DACH2: variants seen among roughly 807,000 people sequenced by gnomAD.
The protein encoded by DACH2 is dachshund family transcription factor 2, also known as dachshund homolog 2.
DACH2 carries 17 observed loss-of-function variants against 35.8 expected under a neutral mutation model. The ratio of observed to expected loss-of-function variants is 0.48; its 90% CI spans 0.33 to 0.71. The LOEUF (loss-of-function observed/expected upper bound fraction) is 0.71, where lower values mean the gene tolerates loss of function less well. DACH2 is among the 30% of genes least tolerant of loss of function. The pLI is 0.02. For synonymous variants in DACH2, 195 were observed against 177.3 expected (o/e 1.10, Z -0.79); for missense variants, 469 against 472.7 (o/e 0.99, Z 0.07).
intron 5 of DACH2, among the ~76,000 whole-genome samples, chrX:86,699,225 G>T (rs1359434941): frequency 8.9e-6 from 1 of 111,950 alleles, no homozygotes; most frequent in Non-Finnish European, 1.9e-5. Flanking sequence ...AGTATTTACA[G>T]AACATTTTAC....
intron 4 of DACH2, among the ~76,000 whole-genome samples, chrX:86,665,703 A>T (rs910422420): frequency 9.0e-6 from 1 of 111,546 alleles, no homozygotes; most frequent in Non-Finnish European, 1.9e-5. Flanking sequence ...ATTTTGGAAA[A>T]GTCTGTCCAG....
chrX:86,695,471 T>C (rs2041056806), intron 5 of DACH2, among the ~76,000 whole-genome samples: 1 of 108,916 alleles, frequency 9.2e-6, no homozygotes, highest in Non-Finnish European at 1.9e-5. Context: ...GAATATTGGC[T>C]AAAGTCACAC....
chrX:86,716,087 A>G (rs1170300066), intron 6 of DACH2, among the ~76,000 whole-genome samples: 1 of 111,685 alleles, frequency 9.0e-6, no homozygotes, highest in Non-Finnish European at 1.9e-5. Flanking sequence ...AAGTGGAAGC[A>G]TGCTTCCTGG....
chrX:86,298,367 T>G (rs758955677), intron 1 of DACH2, among the ~76,000 whole-genome samples: 2 of 112,104 alleles, frequency 1.8e-5, no homozygotes, highest in Non-Finnish European at 3.8e-5. Context: ...TTTAACTCTA[T>G]TTTTCTGCAC....
intron 3 of DACH2, among the ~76,000 whole-genome samples, chrX:86,617,703 T>C (rs752269409): frequency 8.9e-6 from 1 of 112,043 alleles, no homozygotes; most frequent in South Asian, 3.7e-4. Context: ...AAATAAAATT[T>C]CAAGTACAAG....
chrX:86,822,282 C>A (rs2042520379), intron 11 of DACH2, among the ~76,000 whole-genome samples: 2 of 111,664 alleles, frequency 1.8e-5, no homozygotes, highest in South Asian at 7.4e-4. Flanking sequence ...CCACACGAAT[C>A]TGTGGAGGTT....
chrX:86,233,103 A>G (rs2032984097), intron 1 of DACH2, among the ~76,000 whole-genome samples: 1 of 111,867 alleles, frequency 8.9e-6, no homozygotes, highest in Admixed American at 9.5e-5. Context: ...AAAAGCAAAT[A>G]CTGCTTGTTC....
chrX:86,148,812 C>T lies in DACH2; in HGVS notation c.192C>T (p.Asn64=). The T allele has an allele frequency of 1.7e-6, 2 of 1,211,834 alleles. No homozygotes were observed. The highest frequency in any genetic ancestry group is 2.2e-6 in the Non-Finnish European group (2 of 895,572). ...GAGGCGGCGGCAGGGGCAACACCAACACCAACGAGTGCCGCATGGTCGACA... is the reference window on the plus strand; with the variant it reads ...GAGGCGGCGGCAGGGGCAACACCAATACCAACGAGTGCCGCATGGTCGACA... ...SAGGGGRGNT[N]TNECRMVDMH... The change falls in exon 1 of 12, where the codon AAC becomes AAT. Residue 64 remains asparagine, a synonymous_variant. Coordinates refer to ENST00000373125, the MANE Select transcript of DACH2 (RefSeq NM_053281.3).
intron 1 of DACH2, among the ~76,000 whole-genome samples, chrX:86,183,585 T>C (rs1278081750): frequency 8.9e-6 from 1 of 111,861 alleles, no homozygotes; most frequent in Non-Finnish European, 1.9e-5. Context: ...GACGGTATTT[T>C]ATTGAGGATT....
At chrX:86,824,824 C>A (rs2042547929) in intron 11 of DACH2, among the ~76,000 whole-genome samples, 1 of 111,524 alleles carries the variant, frequency 9.0e-6, no homozygotes. Flanking sequence ...ACTAATAAAC[C>A]CTCAAATCTT....
intron 3 of DACH2, among the ~76,000 whole-genome samples, chrX:86,593,422 TA>T: frequency 9.6e-6 from 1 of 104,487 alleles, no homozygotes; most frequent in African/African-American, 3.7e-5. Flanking sequence ...TATTTTATTT[TA>T]TTTTATTTTA....
intron 3 of DACH2, among the ~76,000 whole-genome samples, chrX:86,622,648 A>T (rs777351773): frequency 8.9e-6 from 1 of 111,808 alleles, no homozygotes. Context: ...TTGATAACAG[A>T]TAGTTGCTCA....
intron 2 of DACH2, among the ~76,000 whole-genome samples, chrX:86,485,588 C>T (rs1346306978): frequency 9.0e-6 from 1 of 111,501 alleles, no homozygotes; most frequent in Non-Finnish European, 1.9e-5. Context: ...GATCATTACA[C>T]TATGTATACA....
At chrX:86,491,081 G>C (rs970470595) in intron 2 of DACH2, among the ~76,000 whole-genome samples, 4 of 111,327 alleles carry the variant, frequency 3.6e-5, no homozygotes, top group Admixed American at 1.9e-4. Context: ...TTTCCAAGTA[G>C]AAGTAAATTG....
chrX:86,171,791 A>G (rs961773685), intron 1 of DACH2, among the ~76,000 whole-genome samples: 4 of 111,886 alleles, frequency 3.6e-5, no homozygotes, highest in African/African-American at 1.3e-4. Flanking sequence ...TTTCAGTGAT[A>G]TGAAGTTAAA....
At chrX:86,637,694 G>A (rs2040292181) in intron 3 of DACH2, among the ~76,000 whole-genome samples, 1 of 110,972 alleles carries the variant, frequency 9.0e-6, no homozygotes, top group Non-Finnish European at 1.9e-5. Flanking sequence ...TGGACACATA[G>A]AGAGAAACTA....
At chrX:86,588,552 A>G (rs1246291756) in intron 3 of DACH2, among the ~76,000 whole-genome samples, 1 of 111,627 alleles carries the variant, frequency 9.0e-6, no homozygotes, top group Non-Finnish European at 1.9e-5. Context: ...CAGTTTTTAA[A>G]CATTTTCTCC....
At chrX:86,773,407 G>A (rs1330436855) in intron 7 of DACH2, among the ~76,000 whole-genome samples, 1 of 111,639 alleles carries the variant, frequency 9.0e-6, no homozygotes, top group Non-Finnish European at 1.9e-5. Context: ...AAAAAATTCT[G>A]ACAGAATGAA....
intron 2 of DACH2, among the ~76,000 whole-genome samples, chrX:86,493,191 T>TC (rs1220078421): frequency 9.0e-6 from 1 of 111,405 alleles, no homozygotes; most frequent in African/African-American, 3.3e-5. Context: ...AGATGGCATC[T>TC]CCTTGTGGTT....
Sources: allele counts gnomAD v4.1 joint callset (sites outside exome capture counted in the v4.1 genomes callset), GRCh38; gene constraint gnomAD v4.1.1; transcripts MANE v1.5; gene names NCBI Gene and HGNC (gene_info 2026-07-23, HGNC 2026-07-21).